The following COMMD7 variants were observed in gnomAD, a reference collection of about 807,000 sequenced individuals.
COMMD7 encodes the protein COMM domain containing 7.
Under a neutral mutation model 34.8 loss-of-function variants are expected in COMMD7, and 28 were observed. That is an observed-to-expected ratio of 0.80 (90% CI 0.60 to 1.10). COMMD7 has a LOEUF of 1.10. Among genes scored for constraint, COMMD7 ranks in the 50% least tolerant of loss-of-function variants. The pLI is 0.00. For synonymous variants in COMMD7, 80 were observed against 86.4 expected (o/e 0.93, Z 0.41); for missense variants, 211 against 241.6 (o/e 0.87, Z 0.84).
At chr20:32,726,177 C>T (rs767601079) in intron 3 of COMMD7, among the ~76,000 whole-genome samples, 14 of 151,520 alleles carry the variant, frequency 9.2e-5, no homozygotes, top group Non-Finnish European at 1.9e-4. Context: ...ATCACGAGGT[C>T]AGGAGTTCAA....
rs1986201909 is a variant in COMMD7 at position 32,737,503 on chromosome 20, T to A, written c.84+5805A>T. On this transcript the variant is annotated intron_variant, in intron 1 of 8. Transcript: ENST00000278980. ...GCCTGGGTGATAGAATGAGACCCTG[T>A]CTCAAATTTAAAAAAACGAAAGAAA... 3.3e-5 allele frequency among the ~76,000 whole-genome samples: 5 copies of A among 151,548 alleles called. No individual in the cohort carries two copies. The South Asian group carries it at 8.4e-4, about 25-fold the overall frequency.
At chr20:32,710,101 C>G (rs976576036) in intron 3 of COMMD7, among the ~76,000 whole-genome samples, 3 of 151,760 alleles carry the variant, frequency 2.0e-5, no homozygotes, top group African/African-American at 7.3e-5. Context: ...CTCAAACTCC[C>G]GCACTCAAGC....
chr20:32,709,540 A>G (rs1984301849), intron 3 of COMMD7, among the ~76,000 whole-genome samples: 1 of 152,172 alleles, frequency 6.6e-6, no homozygotes, highest in Non-Finnish European at 1.5e-5. Flanking sequence ...ACAGAGCGAG[A>G]CTCCGTCTCA....
chr20:32,717,282 G>C (rs2145736072), intron 3 of COMMD7, among the ~76,000 whole-genome samples: 1 of 151,034 alleles, frequency 6.6e-6, no homozygotes, highest in South Asian at 2.1e-4. Flanking sequence ...AGCCTCTGAA[G>C]TAGTTGAGAC....
At chr20:32,708,656 C>CTT (rs34027862) in intron 3 of COMMD7, among the ~76,000 whole-genome samples, 3,269 of 135,454 alleles carry the variant, frequency 0.024, 146 homozygotes, top group African/African-American at 0.079. Flanking sequence ...ATTATTGTAA[C>CTT]TTTTTTTTTT....
At position 32,718,412 on chromosome 20, in the gene COMMD7, A is replaced by G. The variant is rs549202735; in HGVS notation, c.241+9481T>C. On this transcript the variant is annotated intron_variant, in intron 3 of 8. Coordinates refer to ENST00000278980, the MANE Select transcript of COMMD7 (RefSeq NM_053041.3). ...GAGCGAAACTCCATCTAAAAAAAAA[A>G]GGGGGGCCGGACGCAGTGGCTCACG... Among the ~76,000 whole-genome samples the G allele has an allele frequency of 8.7e-3, 1,303 of 149,280 alleles. 16 individuals carry two copies. Among genetic ancestry groups the G allele is most frequent in the Non-Finnish European group, 0.014 (939 of 67,040 alleles).
chr20:32,739,005 T>C (rs1169440142), intron 1 of COMMD7, among the ~76,000 whole-genome samples: 1 of 152,194 alleles, frequency 6.6e-6, no homozygotes, highest in African/African-American at 2.4e-5. Flanking sequence ...GAACCATCTT[T>C]CTTAACTGTA....
intron 1 of COMMD7, among the ~76,000 whole-genome samples, chr20:32,730,314 A>G (rs757669167): frequency 9.9e-5 from 15 of 152,028 alleles, no homozygotes; most frequent in Non-Finnish European, 1.5e-5. Context: ...CAGCACTTTC[A>G]GAGGCTGAGG....
intron 3 of COMMD7, among the ~76,000 whole-genome samples, chr20:32,721,035 A>G (rs1298307591): frequency 6.6e-6 from 1 of 152,190 alleles, no homozygotes; most frequent in East Asian, 1.9e-4. Flanking sequence ...AAACCTGTAA[A>G]TTAGTACTGA....
In COMMD7 at chr20:32,706,620, C is replaced by T. The variant is rs769713437; in HGVS notation, c.299G>A (p.Gly100Asp). ...KQVQADFITL[G>D]LSEEKATYFS... ...GTAAGTGGCTTTCTCCTCACTAAGA[C>T]CTATAAGAGAACAGAAGGAGATATT... Residue 100 changes from glycine to aspartate, a missense_variant and splice_region_variant, in exon 5 of 9, where the codon GGT becomes GAT. Coordinates refer to ENST00000278980, the MANE Select transcript of COMMD7 (RefSeq NM_053041.3). The T allele has an allele frequency of 1.2e-6, 2 of 1,612,052 alleles. No individual in the cohort carries two copies. The highest frequency in any genetic ancestry group is 1.7e-6 in the Non-Finnish European group (2 of 1,178,298).
intron 3 of COMMD7, among the ~76,000 whole-genome samples, chr20:32,719,997 A>C (rs1322615485): frequency 6.6e-6 from 1 of 152,174 alleles, no homozygotes; most frequent in Non-Finnish European, 1.5e-5. Flanking sequence ...ACAGGCATTC[A>C]TCTCTTCATT....
chr20:32,703,906 T>G, intron 8 of COMMD7, 117 bp downstream of exon 8: 1 of 1,570,726 alleles, frequency 6.4e-7, no homozygotes, highest in Non-Finnish European at 8.7e-7. Context: ...GAACAGCTAC[T>G]CCACAGCTGG....
intron 3 of COMMD7, among the ~76,000 whole-genome samples, chr20:32,717,896 C>A (rs566345428): frequency 2.0e-5 from 3 of 151,658 alleles, no homozygotes; most frequent in Non-Finnish European, 4.4e-5. Context: ...ACCACCCTGG[C>A]TGACATGGTA....
At chr20:32,705,620 G>A (rs1033821779) in intron 5 of COMMD7, among the ~76,000 whole-genome samples, 10 of 151,996 alleles carry the variant, frequency 6.6e-5, no homozygotes, top group Non-Finnish European at 1.0e-4. Context: ...TGATCCGCCC[G>A]CCTTGGCCTC....
chr20:32,725,968 C>A (rs1422799333), intron 3 of COMMD7, among the ~76,000 whole-genome samples: 1 of 146,272 alleles, frequency 6.8e-6, no homozygotes, highest in Non-Finnish European at 1.5e-5. Context: ...GAGGCTGATA[C>A]GGGAGGATCA....
chr20:32,709,559 C>A (rs186315715), intron 3 of COMMD7, among the ~76,000 whole-genome samples: 3 of 152,114 alleles, frequency 2.0e-5, no homozygotes, highest in African/African-American at 7.2e-5. Context: ...CAAAAACAAA[C>A]GATGACAAAA....
At chr20:32,725,907 A>G (rs1985479089) in intron 3 of COMMD7, among the ~76,000 whole-genome samples, 1 of 151,466 alleles carries the variant, frequency 6.6e-6, no homozygotes, top group Non-Finnish European at 1.5e-5. Flanking sequence ...TAATAATAAT[A>G]CAAAAAATAG....
At chr20:32,716,484 A>G (rs940151557) in intron 3 of COMMD7, among the ~76,000 whole-genome samples, 5 of 151,992 alleles carry the variant, frequency 3.3e-5, no homozygotes, top group Non-Finnish European at 5.9e-5. Flanking sequence ...GCGTGGTGGC[A>G]GGCGCCTGTA....
At chr20:32,706,451 T>A in intron 5 of COMMD7, 132 bp downstream of exon 5, 1 of 676,146 alleles carries the variant, frequency 1.5e-6, no homozygotes. Flanking sequence ...AGGCAGAGGT[T>A]GTGGTGAGCC....
Sources: gnomAD v4.1 joint callset for allele counts (sites outside exome capture counted in the v4.1 genomes callset) on GRCh38, gnomAD v4.1.1 for gene constraint, MANE v1.5 for transcripts, NCBI Gene and HGNC (gene_info 2026-07-23, HGNC 2026-07-21) for gene names.